Variants in RABGAP1L observed in about 807,000 individuals in gnomAD.
RABGAP1L encodes RAB GTPase activating protein 1 like, also known as rab GTPase-activating protein 1-like.
In RABGAP1L, 63 loss-of-function variants were observed where a neutral mutation model predicts 137.7. That is an observed-to-expected ratio of 0.46 (90% CI 0.37 to 0.56). The LOEUF (loss-of-function observed/expected upper bound fraction) is 0.56, where lower values mean the gene tolerates loss of function less well. Among genes scored for constraint, RABGAP1L ranks in the 20% least tolerant of loss-of-function variants. The probability of loss-of-function intolerance (pLI) is 0.00; values close to 1 mark genes in which losing one functional copy is unlikely to be tolerated. For synonymous variants in RABGAP1L, 431 were observed against 433.7 expected, an observed-to-expected ratio of 0.99 and a Z score of 0.08; for missense variants, 1,095 against 1,244.0, an observed-to-expected ratio of 0.88 and a Z score of 1.80.
At chr1:174,841,860 CTT>C (rs757469241) in intron 19 of RABGAP1L, among the ~76,000 whole-genome samples, 8 of 144,636 alleles carry the variant, frequency 5.5e-5, no homozygotes, top group Admixed American at 1.4e-4. Flanking sequence ...GAATAACTTT[CTT>C]TTTTTTTTTT....
intron 13 of RABGAP1L, chr1:174,449,119 C>G: frequency 6.2e-7 from 1 of 1,613,432 alleles, no homozygotes; most frequent in South Asian, 1.1e-5. Flanking sequence ...AGACAATGTG[C>G]ACATCCTGTA....
chr1:174,549,461 T>G (rs1355325868), intron 13 of RABGAP1L, among the ~76,000 whole-genome samples: 1 of 152,152 alleles, frequency 6.6e-6, no homozygotes, highest in Non-Finnish European at 1.5e-5. Context: ...GCAATCCTAT[T>G]TAGATATTGT....
At position 174,637,397 on chromosome 1, in the gene RABGAP1L, T is replaced by C. The variant is rs775201642; in HGVS notation, c.1733T>C (p.Ile578Thr). 4 of 1,612,144 alleles carry C rather than the reference T, an allele frequency of 2.5e-6. No individual in the cohort carries two copies. Among genetic ancestry groups the C allele is most frequent in the Admixed American group, 1.7e-5 (1 of 60,024 alleles). The change falls in exon 14 of 26, where the codon ATT (isoleucine) becomes ACT (threonine). Residue 578 changes from isoleucine to threonine, a missense_variant. Physicochemically the swap from Ile to Thr is moderately conservative, Grantham distance 89. Around this residue, in one of 4 missense-constraint regions of RABGAP1L, gnomAD observed 315 missense variants for 324.8 expected, o/e 0.97. Transcript: ENST00000681986. ...TAGGACTCAGCCCAGGAGAGTGTTATTACTCGAGATATTCATCGTACATTT... is the reference window on the plus strand; with the variant it reads ...TAGGACTCAGCCCAGGAGAGTGTTACTACTCGAGATATTCATCGTACATTT... ...ITKDSAQESV[I>T]TRDIHRTFPA...
intron 11 of RABGAP1L, among the ~76,000 whole-genome samples, chr1:174,354,320 C>T (rs1683437559): frequency 6.6e-6 from 1 of 151,726 alleles, no homozygotes; most frequent in African/African-American, 2.4e-5. Flanking sequence ...TCAAAGGAAG[C>T]TTTGCTTCTA....
chr1:174,965,100 T>G, intron 20 of RABGAP1L: 2 of 700,698 alleles, frequency 2.9e-6, no homozygotes, highest in Non-Finnish European at 4.7e-6. Flanking sequence ...GTACATCTCC[T>G]ATCCATAAGG....
At chr1:174,336,701 C>T (rs1186973825) in intron 11 of RABGAP1L, among the ~76,000 whole-genome samples, 1 of 152,046 alleles carries the variant, frequency 6.6e-6, no homozygotes, top group Non-Finnish European at 1.5e-5. Context: ...GTTTAAATTG[C>T]CTACCTATAT....
chr1:174,940,484 C>T (rs1558258937), intron 19 of RABGAP1L, among the ~76,000 whole-genome samples: 2 of 151,934 alleles, frequency 1.3e-5, no homozygotes, highest in African/African-American at 4.8e-5. Context: ...CGCTTTGTTG[C>T]CCAGGCTGGT....
chr1:174,783,282 G>A (rs182789896), intron 18 of RABGAP1L, among the ~76,000 whole-genome samples: 83 of 152,210 alleles, frequency 5.5e-4, no homozygotes, highest in African/African-American at 1.8e-3. Flanking sequence ...GTTCTATTCC[G>A]TGACTCACGG....
chr1:174,413,790 A>G (rs1393322890), intron 13 of RABGAP1L, among the ~76,000 whole-genome samples: 1 of 152,154 alleles, frequency 6.6e-6, no homozygotes, highest in Non-Finnish European at 1.5e-5. Flanking sequence ...TTTAATGTAC[A>G]AGCCAGTAGA....
intron 13 of RABGAP1L, among the ~76,000 whole-genome samples, chr1:174,577,133 TATGATAGCTCC>T (rs1242391801): frequency 6.6e-6 from 1 of 151,522 alleles, no homozygotes; most frequent in African/African-American, 2.4e-5. Flanking sequence ...TACAATGAGC[TATGATAGCTCC>T]ATGATAGCAC....
intron 13 of RABGAP1L, among the ~76,000 whole-genome samples, chr1:174,635,589 C>G (rs964092859): frequency 3.3e-5 from 5 of 152,168 alleles, no homozygotes; most frequent in Admixed American, 6.5e-5. Flanking sequence ...TTTACCTTGG[C>G]AAATATAAAT....
chr1:174,886,128 C>G (rs1655077165), intron 19 of RABGAP1L, among the ~76,000 whole-genome samples: 1 of 151,624 alleles, frequency 6.6e-6, no homozygotes, highest in South Asian at 2.1e-4. Flanking sequence ...GTTCTCCTAC[C>G]TCAGCCTATG....
intron 12 of RABGAP1L, among the ~76,000 whole-genome samples, chr1:174,378,077 T>C (rs868737086): frequency 0.014 from 2,094 of 146,606 alleles, 30 homozygotes; most frequent in South Asian, 0.031. Context: ...AGAATGATGA[T>C]TTCCAATTTC....
intron 19 of RABGAP1L, among the ~76,000 whole-genome samples, chr1:174,910,056 G>A (rs913160069): frequency 2.0e-5 from 3 of 152,068 alleles, no homozygotes; most frequent in South Asian, 2.1e-4. Context: ...GGAGAATGGC[G>A]TAAACCTGGG....
intron 8 of RABGAP1L, among the ~76,000 whole-genome samples, chr1:174,274,040 G>A (rs1392047451): frequency 6.6e-6 from 1 of 152,102 alleles, no homozygotes; most frequent in East Asian, 1.9e-4. Flanking sequence ...TACTTCTAAT[G>A]AAGAGAAACT....
chr1:174,540,165 T>A (rs1163265739), intron 13 of RABGAP1L, among the ~76,000 whole-genome samples: 2 of 152,210 alleles, frequency 1.3e-5, no homozygotes, highest in African/African-American at 2.4e-5. Context: ...GTAAATTTGT[T>A]TAAGTTCTTT....
chr1:174,332,859 CAA>C (rs1018125203), intron 11 of RABGAP1L, among the ~76,000 whole-genome samples: 6 of 152,036 alleles, frequency 3.9e-5, no homozygotes, highest in Admixed American at 3.9e-4. Flanking sequence ...ATCAGTATGT[CAA>C]AGAGACAGCT....
chr1:174,414,554 G>A (rs1278995289), intron 13 of RABGAP1L, among the ~76,000 whole-genome samples: 1 of 151,832 alleles, frequency 6.6e-6, no homozygotes, highest in East Asian at 1.9e-4. Context: ...CCTGGTACTA[G>A]CCCTTAATAA....
At chr1:174,260,466 T>G (rs1056077779) in intron 7 of RABGAP1L, among the ~76,000 whole-genome samples, 1 of 152,182 alleles carries the variant, frequency 6.6e-6, no homozygotes, top group Non-Finnish European at 1.5e-5. Context: ...AAGCTGACAT[T>G]AACAACTAAG....
Sources: gnomAD v4.1 joint callset for allele counts (sites outside exome capture counted in the v4.1 genomes callset) on GRCh38, gnomAD v4.1.1 for gene constraint, gnomAD v4.1.1 regional missense constraint, MANE v1.5 for transcripts, NCBI Gene and HGNC (gene_info 2026-07-23, HGNC 2026-07-21) for gene names.